Variants in AGXT observed in about 807,000 individuals in gnomAD.
The protein encoded by AGXT is alanine--glyoxylate aminotransferase.
A neutral mutation model predicts 46.9 loss-of-function variants in AGXT; 41 were observed. That is an observed-to-expected ratio of 0.88 (90% confidence interval 0.68 to 1.14). AGXT has a LOEUF of 1.14. Among genes scored for constraint, AGXT ranks in the 50% most tolerant of loss-of-function variants. The probability of loss-of-function intolerance (pLI) is 0.00; values close to 1 mark genes in which losing one functional copy is unlikely to be tolerated. For missense variants in AGXT, 525 were observed against 522.7 expected (o/e 1.00, Z -0.04); for synonymous variants, 244 against 227.9 (o/e 1.07, Z -0.64).
chr2:240,878,008 GGCCCC>G lies in AGXT; in HGVS notation c.943-13_943-9del. 1 of 1,609,808 alleles carries G rather than the reference GGCCCC, an allele frequency of 6.2e-7. No homozygotes were observed. Among genetic ancestry groups the G allele is most frequent in the Non-Finnish European group, 8.5e-7 (1 of 1,179,930 alleles). Reference sequence around the variant, plus strand: ...GGCCTCTCACCCACGCACTGAGCCAGGCCCCTCCTGCAGGCGCTCCGGCTTCCCAC... The same window carrying G: ...GGCCTCTCACCCACGCACTGAGCCAGTCCTGCAGGCGCTCCGGCTTCCCAC... On this transcript the variant is annotated splice_polypyrimidine_tract_variant and intron_variant, in intron 9 of 10. Coordinates refer to ENST00000307503, the MANE Select transcript of AGXT (RefSeq NM_000030.3).
intron 6 of AGXT, among the ~76,000 whole-genome samples, chr2:240,874,890 G>A (rs2059014859): frequency 6.6e-6 from 1 of 152,198 alleles, no homozygotes; most frequent in African/African-American, 2.4e-5. Context: ...CCCATGGCAG[G>A]GTCACACAGC....
chr2:240,874,096 G>C, intron 6 of AGXT, 34 bp downstream of exon 6: 1 of 1,606,372 alleles, frequency 6.2e-7, no homozygotes. Context: ...CTCTGTGCAG[G>C]GCTGGGCTTG....
In AGXT at chr2:240,875,199, C is replaced by G. The variant is rs1353553025; in HGVS notation, c.771C>G (p.Pro257=). The change falls in exon 7 of 11, where the codon CCC becomes CCG. Residue 257 remains proline, a synonymous_variant. Coordinates refer to ENST00000307503, the MANE Select transcript of AGXT (RefSeq NM_000030.3). ...LANFWGCDDQ[P]RMYHHTIPVI... Reference sequence around the variant, plus strand: ...ACTTCTGGGGCTGTGACGACCAGCCCAGGATGTGAGGCCTGGCAGGGATGG... The same window carrying G: ...ACTTCTGGGGCTGTGACGACCAGCCGAGGATGTGAGGCCTGGCAGGGATGG... 4 of 1,612,116 alleles carry G rather than the reference C, an allele frequency of 2.5e-6. No individual in the cohort carries two copies. The South Asian group carries it at 4.4e-5, about 18-fold the overall frequency.
At chr2:240,878,629 C>T in intron 10 of AGXT, 85 bp from the exon 11 acceptor site, 1 of 1,312,692 alleles carries the variant, frequency 7.6e-7, no homozygotes, top group Non-Finnish European at 1.1e-6. Context: ...CTCAGGTGAG[C>T]CCATCCTGGC....
At position 240,873,020 on chromosome 2, in the gene AGXT, G is replaced by A. The variant is rs1275950582; in HGVS notation, c.566G>A (p.Gly189Asp). 6.2e-7 allele frequency: 1 copy of A among 1,613,948 alleles called. No individual in the cohort carries two copies. Among genetic ancestry groups the A allele is most frequent in the Non-Finnish European group, 8.5e-7 (1 of 1,179,950 alleles). The change falls in exon 5 of 11, where the codon GGC becomes GAC. Residue 189 changes from glycine (G) to aspartate (D), a missense_variant. Physicochemically the swap from Gly to Asp is moderately conservative, Grantham distance 94. Transcript: ENST00000307503. ...CTGGTGGATTCGGTGGCATCCCTGG[G>A]CGGGACCCCCCTTTACATGGACCGG... is the stretch of plus-strand genomic sequence containing the variant. ...LLLVDSVASLGGTPLYMDRQG... is the reference protein window; with the variant it reads ...LLLVDSVASLDGTPLYMDRQG...
At chr2:240,876,094 A>AGAAAAGG (rs2059023495) in intron 8 of AGXT, 90 bp downstream of exon 8, 2 of 1,459,998 alleles carry the variant, frequency 1.4e-6, no homozygotes, top group Non-Finnish European at 1.9e-6. Context: ...TCCCTGGTGC[A>AGAAAAGG]CAGAGAAAAG....
At chr2:240,873,182 ACACT>A (rs1287955444) in intron 5 of AGXT, 133 bp downstream of exon 5, 11 of 753,512 alleles carry the variant, frequency 1.5e-5, no homozygotes, top group African/African-American at 1.0e-4. Flanking sequence ...GCCCAGGGAA[ACACT>A]CACTCCTTAC....
At chr2:240,878,681 G>C in intron 10 of AGXT, 33 bp from the exon 11 acceptor site, 1 of 1,534,494 alleles carries the variant, frequency 6.5e-7, no homozygotes, top group Non-Finnish European at 8.8e-7. Context: ...TCCCAGGCGG[G>C]AGGCTGACGT....
At position 240,878,736 on chromosome 2, in the gene AGXT, G is replaced by C. The variant is rs1480009999; in HGVS notation, c.1094G>C (p.Gly365Ala). 1 of 1,572,248 alleles carries C rather than the reference G, an allele frequency of 6.4e-7. No individual in the cohort carries two copies. The highest frequency in any genetic ancestry group is 8.6e-7 in the Non-Finnish European group (1 of 1,162,818). The change falls in exon 11 of 11, where the codon GGC (glycine) becomes GCC (alanine). Residue 365 changes from glycine to alanine, a missense_variant. Physicochemically the swap from Gly to Ala is moderately conservative, Grantham distance 60. Coordinates refer to ENST00000307503, the MANE Select transcript of AGXT (RefSeq NM_000030.3). ...TGKVLRIGLL[G>A]CNATRENVDR... ...CAGGTGCTGCGGATCGGCCTGCTGGGCTGCAATGCCACCCGCGAGAATGTG... is the reference window on the plus strand; with the variant it reads ...CAGGTGCTGCGGATCGGCCTGCTGGCCTGCAATGCCACCCGCGAGAATGTG...
In AGXT at chr2:240,868,855, G is replaced by C; in HGVS notation, c.-11G>C. ...GCCCCAGGTTCCCGAGCGGCAGGTTGGGTGCGGACCATGGCCTCTCACAAG... is the reference window on the plus strand; with the variant it reads ...GCCCCAGGTTCCCGAGCGGCAGGTTCGGTGCGGACCATGGCCTCTCACAAG... On this transcript the variant is annotated 5_prime_UTR_variant, in exon 1 of 11. Coordinates refer to ENST00000307503, the MANE Select transcript of AGXT (RefSeq NM_000030.3). The C allele has an allele frequency of 4.4e-6, 7 of 1,606,274 alleles. No individual in the cohort carries two copies. The highest frequency in any genetic ancestry group is 5.9e-6 in the Non-Finnish European group (7 of 1,177,208).
intron 10 of AGXT, 42 bp downstream of exon 10, chr2:240,878,192 C>G: frequency 6.2e-7 from 1 of 1,608,660 alleles, no homozygotes. Flanking sequence ...GAAACCAAAC[C>G]CGCCACCCCT....
chr2:240,877,698 C>A, intron 9 of AGXT, 66 bp downstream of exon 9: 2 of 1,491,408 alleles, frequency 1.3e-6, no homozygotes, highest in Non-Finnish European at 1.8e-6. Context: ...TCTTGCCCAG[C>A]CCCCTCAAGA....
intron 8 of AGXT, 182 bp from the exon 9 acceptor site, chr2:240,877,355 G>A (rs1559571343): frequency 1.4e-6 from 1 of 705,122 alleles, no homozygotes; most frequent in Admixed American, 2.0e-5. Context: ...CCCAGACCCA[G>A]ATGTTTCCTT....
At position 240,873,917 on chromosome 2, in the gene AGXT, C is replaced by T. The variant is rs532220305; in HGVS notation, c.596-61C>T. 1.5e-5 allele frequency: 22 copies of T among 1,494,764 alleles called. No individual in the cohort carries two copies. The East Asian group carries it at 2.0e-4, about 14-fold the overall frequency. 92.6% of individuals were successfully genotyped at this position (1,494,764 alleles called of 1,614,324 possible). ...CAGCCCATTAGCTAGGCAGGCATCC[C>T]GCTGGACTGGCCTGCCCTGAGGTGG... On this transcript the variant is annotated intron_variant, in intron 5 of 10. Coordinates refer to ENST00000307503, the MANE Select transcript of AGXT (RefSeq NM_000030.3).
At chr2:240,869,059 G>T (rs747550449) in intron 1 of AGXT, 29 bp downstream of exon 1, 1 of 1,610,788 alleles carries the variant, frequency 6.2e-7, no homozygotes, top group South Asian at 1.1e-5. Flanking sequence ...CGGGGGGCCT[G>T]GGTCTCACCC....
chr2:240,873,299 G>T (rs896715792), intron 5 of AGXT: 1 of 532,370 alleles, frequency 1.9e-6, no homozygotes, highest in African/African-American at 1.9e-5. Flanking sequence ...TCTGGTGGGG[G>T]ACATTTGAGA....
chr2:240,872,913 G>C, intron 4 of AGXT, 66 bp from the exon 5 acceptor site: 1 of 1,417,684 alleles, frequency 7.1e-7, no homozygotes. Context: ...ATCCAGCCTG[G>C]GGCCAGGCCC....
intron 6 of AGXT, among the ~76,000 whole-genome samples, 191 bp from the exon 7 acceptor site, chr2:240,874,918 G>A (rs937423476): frequency 5.3e-5 from 8 of 152,158 alleles, no homozygotes; most frequent in South Asian, 2.1e-4. Context: ...AAGGGCCAGC[G>A]GGACTGGACA....
intron 8 of AGXT, 182 bp from the exon 9 acceptor site, chr2:240,877,355 G>C: frequency 1.4e-6 from 1 of 705,122 alleles, no homozygotes; most frequent in Non-Finnish European, 2.6e-6. Flanking sequence ...CCCAGACCCA[G>C]ATGTTTCCTT....
Sources: allele counts gnomAD v4.1 joint callset (sites outside exome capture counted in the v4.1 genomes callset), GRCh38; gene constraint gnomAD v4.1.1; transcripts MANE v1.5; gene names NCBI Gene and HGNC (gene_info 2026-07-23, HGNC 2026-07-21).